GPR137C: variants seen among roughly 807,000 people sequenced by gnomAD.
GPR137C encodes integral membrane protein GPR137C.
Under a neutral mutation model 43.4 loss-of-function variants are expected in GPR137C, and 27 were observed. The observed-to-expected ratio is 0.62, with a 90% CI of 0.46 to 0.86. The LOEUF (loss-of-function observed/expected upper bound fraction) is 0.86, where lower values mean the gene tolerates loss of function less well. Among genes scored for constraint, GPR137C ranks in the 40% least tolerant of loss-of-function variants. The probability of loss-of-function intolerance (pLI) is 0.00; values close to 1 mark genes in which losing one functional copy is unlikely to be tolerated. For missense variants in GPR137C, 522 were observed against 534.6 expected, an observed-to-expected ratio of 0.98 and a Z score of 0.23; for synonymous variants, 285 against 226.9, an observed-to-expected ratio of 1.26 and a Z score of -2.30.
At chr14:52,605,105 AT>A (rs557674609) in intron 3 of GPR137C, among the ~76,000 whole-genome samples, 211 of 152,232 alleles carry the variant, frequency 1.4e-3, no homozygotes, top group African/African-American at 4.4e-3. Flanking sequence ...TGTAATTGCT[AT>A]TTTGACAGAT....
chr14:52,568,616 G>A (rs974862911), intron 1 of GPR137C, among the ~76,000 whole-genome samples: 1 of 152,160 alleles, frequency 6.6e-6, no homozygotes, highest in African/African-American at 2.4e-5. Flanking sequence ...GGGGGAGGGG[G>A]CATCCGCAAT....
At chr14:52,612,159 C>T (rs2039045221) in intron 3 of GPR137C, 1 of 983,248 alleles carries the variant, frequency 1.0e-6, no homozygotes. Flanking sequence ...ATTATTAAAA[C>T]TTGGCAATAT....
intron 1 of GPR137C, among the ~76,000 whole-genome samples, chr14:52,562,632 T>C (rs1296960877): frequency 6.6e-6 from 1 of 152,104 alleles, no homozygotes; most frequent in Non-Finnish European, 1.5e-5. Flanking sequence ...TAAAGGTTCA[T>C]TTAGAAATGT....
intron 1 of GPR137C, among the ~76,000 whole-genome samples, chr14:52,583,498 AT>A (rs2038675145): frequency 6.6e-6 from 1 of 152,070 alleles, no homozygotes; most frequent in Non-Finnish European, 1.5e-5. Context: ...CACACCCATT[AT>A]CCCAAGACCT....
At chr14:52,602,081 C>A (rs1290626738) in intron 3 of GPR137C, among the ~76,000 whole-genome samples, 6 of 150,370 alleles carry the variant, frequency 4.0e-5, no homozygotes, top group Non-Finnish European at 8.9e-5. Context: ...AGATGACATA[C>A]TAGATGATTT....
At chr14:52,575,578 C>T (rs2038538298) in intron 1 of GPR137C, among the ~76,000 whole-genome samples, 2 of 152,290 alleles carry the variant, frequency 1.3e-5, no homozygotes, top group South Asian at 4.1e-4. Flanking sequence ...AGATCTTGAA[C>T]AACTAATAAC....
At chr14:52,554,914 C>G (rs2038169533) in intron 1 of GPR137C, among the ~76,000 whole-genome samples, 1 of 152,090 alleles carries the variant, frequency 6.6e-6, no homozygotes, top group Non-Finnish European at 1.5e-5. Context: ...AAAGTCCAAA[C>G]AATACAATGA....
intron 1 of GPR137C, among the ~76,000 whole-genome samples, chr14:52,591,676 GT>G (rs1157338348): frequency 6.6e-6 from 1 of 151,936 alleles, no homozygotes; most frequent in Non-Finnish European, 1.5e-5. Flanking sequence ...GGTGTTGTTT[GT>G]TTTTTTCTTG....
At chr14:52,575,804 A>G (rs1428139617) in intron 1 of GPR137C, among the ~76,000 whole-genome samples, 1 of 152,196 alleles carries the variant, frequency 6.6e-6, no homozygotes, top group Non-Finnish European at 1.5e-5. Flanking sequence ...GTCTACTTTA[A>G]TCTCTAAAGC....
At chr14:52,601,044 C>G (rs976721513) in intron 3 of GPR137C, among the ~76,000 whole-genome samples, 1 of 152,114 alleles carries the variant, frequency 6.6e-6, no homozygotes, top group Non-Finnish European at 1.5e-5. Context: ...GATCAACAAA[C>G]AGAAGCCAAA....
chr14:52,571,805 T>C (rs1482372746), intron 1 of GPR137C, among the ~76,000 whole-genome samples: 1 of 152,062 alleles, frequency 6.6e-6, no homozygotes, highest in Non-Finnish European at 1.5e-5. Context: ...AATCAATGAT[T>C]CCAGGAGCTG....
chr14:52,586,949 C>G (rs2038721200), intron 1 of GPR137C, among the ~76,000 whole-genome samples: 1 of 152,156 alleles, frequency 6.6e-6, no homozygotes, highest in Non-Finnish European at 1.5e-5. Context: ...ATTTTCTACA[C>G]TGTCACTTAA....
chr14:52,611,544 T>A (rs2039039355), intron 3 of GPR137C: 1 of 383,602 alleles, frequency 2.6e-6, no homozygotes, highest in Non-Finnish European at 3.6e-6. Flanking sequence ...GTTATTTTTT[T>A]AATTTTGGTA....
Position 52,587,182 on chromosome 14 carries a change from G to A in GPR137C, c.445-11090G>A, listed in dbSNP as rs762168144. Among the ~76,000 whole-genome samples the A allele has an allele frequency of 2.6e-5, 4 of 152,198 alleles. No homozygotes were observed. The East Asian group carries it at 5.8e-4, about 22-fold the overall frequency. ...TGTCTGAAAACCTACTGTGAACTAG[G>A]CATTATGGTAGGTATTGGGCTCTAT... On this transcript the variant is annotated intron_variant, in intron 1 of 6. Transcript: ENST00000321662.
At chr14:52,594,801 G>A (rs1027930398) in intron 1 of GPR137C, among the ~76,000 whole-genome samples, 30 of 152,042 alleles carry the variant, frequency 2.0e-4, no homozygotes, top group African/African-American at 7.2e-4. Context: ...TTAACTGGGG[G>A]CATTTAGCCC....
At chr14:52,565,724 A>G (rs2038359249) in intron 1 of GPR137C, among the ~76,000 whole-genome samples, 1 of 152,156 alleles carries the variant, frequency 6.6e-6, no homozygotes, top group Admixed American at 6.5e-5. Flanking sequence ...CATTTCATCT[A>G]ATTTGTTTTA....
intron 3 of GPR137C, among the ~76,000 whole-genome samples, chr14:52,605,758 G>T (rs2038977171): frequency 1.3e-5 from 2 of 152,176 alleles, no homozygotes; most frequent in African/African-American, 4.8e-5. Context: ...ATGAAAGGAT[G>T]TTGAATTTTA....
chr14:52,605,742 T>G (rs1468084281), intron 3 of GPR137C, among the ~76,000 whole-genome samples: 1 of 152,222 alleles, frequency 6.6e-6, no homozygotes, highest in African/African-American at 2.4e-5. Context: ...TTTTACGGCT[T>G]TTATCATGAA....
At chr14:52,561,150 A>G (rs972091936) in intron 1 of GPR137C, among the ~76,000 whole-genome samples, 1 of 152,260 alleles carries the variant, frequency 6.6e-6, no homozygotes, top group Non-Finnish European at 1.5e-5. Flanking sequence ...AACTACCACT[A>G]GACATTGATT....
Sources: allele counts gnomAD v4.1 joint callset (sites outside exome capture counted in the v4.1 genomes callset), GRCh38; gene constraint gnomAD v4.1.1; transcripts MANE v1.5; gene names NCBI Gene and HGNC (gene_info 2026-07-23, HGNC 2026-07-21).